CWH43: variants seen among roughly 807,000 people sequenced by gnomAD.
CWH43 encodes the protein PGAP2-interacting protein.
A neutral mutation model predicts 85.7 loss-of-function variants in CWH43; 91 were observed. That is an observed-to-expected ratio of 1.06 (90% confidence interval 0.90 to 1.26). CWH43 has a LOEUF of 1.26. CWH43 is among the 50% of genes most tolerant of loss of function. The probability of loss-of-function intolerance (pLI) is 0.00; values close to 1 mark genes in which losing one functional copy is unlikely to be tolerated. For synonymous variants in CWH43, 323 were observed against 293.6 expected (o/e 1.10, Z -1.02); for missense variants, 869 against 839.2 (o/e 1.04, Z -0.44).
chr4:49,019,588 T>A (rs879012500), intron 9 of CWH43, among the ~76,000 whole-genome samples: 4 of 151,982 alleles, frequency 2.6e-5, no homozygotes, highest in Non-Finnish European at 4.4e-5. Flanking sequence ...GTTTTTTTTT[T>A]AATGTTTTAG....
intron 2 of CWH43, among the ~76,000 whole-genome samples, 184 bp downstream of exon 2, chr4:48,988,852 C>T (rs1782570036): frequency 6.6e-6 from 1 of 152,180 alleles, no homozygotes; most frequent in Non-Finnish European, 1.5e-5. Context: ...ATGTGTTTTA[C>T]ATTTCCATTG....
chr4:49,040,262 G>C (rs1784415337), intron 13 of CWH43, among the ~76,000 whole-genome samples: 1 of 152,232 alleles, frequency 6.6e-6, no homozygotes. Flanking sequence ...TATATACCCA[G>C]TAATGGGGTG....
chr4:49,009,374 G>A (rs1017453140), intron 8 of CWH43, among the ~76,000 whole-genome samples: 1 of 152,048 alleles, frequency 6.6e-6, no homozygotes, highest in Non-Finnish European at 1.5e-5. Flanking sequence ...GGAGATTTTG[G>A]GCTGAAATGA....
At position 49,003,613 on chromosome 4, in the gene CWH43, T is replaced by C. The variant is rs1377619876; in HGVS notation, c.803-122T>C. 5.5e-6 allele frequency: 5 copies of C among 916,730 alleles called. No homozygotes were observed. In the South Asian group the frequency reaches 6.6e-5, roughly 12 times the overall value. The allele number at this position is 916,730 out of a possible 1,614,324, so 56.8% of individuals were successfully genotyped here. ...TTAACCTTGTCAGATCTTAGTTTTC[T>C]CATCTGTCTGGAGATTGGATCAGTA... On this transcript the variant is annotated intron_variant, in intron 6 of 15. Coordinates refer to ENST00000226432, the MANE Select transcript of CWH43 (RefSeq NM_025087.3).
Position 48,992,890 on chromosome 4 carries a change from G to A in CWH43, c.511+800G>A, listed in dbSNP as rs1441078992. 2.6e-5 allele frequency among the ~76,000 whole-genome samples: 4 copies of A among 152,298 alleles called. No homozygotes were observed. The highest frequency in any genetic ancestry group is 9.6e-5 in the African/African-American group (4 of 41,558). ...TAGTTTGGCATGAAATGAGAATAGA[G>A]GGAAATTATGTCAGTAAATTGGCCT... On this transcript the variant is annotated intron_variant, in intron 4 of 15. Transcript: ENST00000226432. The surrounding 1 kb of genome is among the most constrained non-coding windows in gnomAD (Gnocchi z 4.3).
At chr4:49,011,654 G>T (rs11942014) in intron 8 of CWH43, among the ~76,000 whole-genome samples, 1 of 152,146 alleles carries the variant, frequency 6.6e-6, no homozygotes, top group Non-Finnish European at 1.5e-5. Context: ...GCTTCCTTCA[G>T]GAGCTCTTTT....
chr4:49,005,222 A>C (rs1401542373), intron 7 of CWH43, among the ~76,000 whole-genome samples: 5 of 152,164 alleles, frequency 3.3e-5, no homozygotes, highest in African/African-American at 9.6e-5. Context: ...TATCTGTATA[A>C]ATTTGTGGGG....
rs924261219 is a variant in CWH43 at position 49,022,232 on chromosome 4, G to A, written c.1266+4904G>A. 2.0e-5 allele frequency among the ~76,000 whole-genome samples: 3 copies of A among 152,014 alleles called. No individual in the cohort carries two copies. The South Asian group carries it at 6.2e-4, about 32-fold the overall frequency. ...CCTTAAGGTGTGACCTTTCTATGCCGATTTTGCTGAGGGTTTTAATCATAA... is the reference window on the plus strand; with the variant it reads ...CCTTAAGGTGTGACCTTTCTATGCCAATTTTGCTGAGGGTTTTAATCATAA... On this transcript the variant is annotated intron_variant, in intron 9 of 15. Coordinates refer to ENST00000226432, the MANE Select transcript of CWH43 (RefSeq NM_025087.3).
chr4:49,035,717 T>C (rs1466033914), intron 12 of CWH43, among the ~76,000 whole-genome samples: 1 of 152,210 alleles, frequency 6.6e-6, no homozygotes, highest in African/African-American at 2.4e-5. Context: ...TACATATACT[T>C]TTTACTTTTA....
intron 9 of CWH43, among the ~76,000 whole-genome samples, chr4:49,027,633 G>T (rs773576330): frequency 2.0e-5 from 3 of 152,114 alleles, no homozygotes; most frequent in Non-Finnish European, 2.9e-5. Context: ...TGTGAAATAA[G>T]CATATTTTGG....
chr4:49,027,840 C>T (rs1456499739), intron 9 of CWH43, among the ~76,000 whole-genome samples: 1 of 152,090 alleles, frequency 6.6e-6, no homozygotes, highest in Non-Finnish European at 1.5e-5. Flanking sequence ...TTCCCCACTA[C>T]CCTAGTAGGT....
chr4:49,055,014 A>T (rs1784909740), intron 15 of CWH43, among the ~76,000 whole-genome samples: 1 of 151,846 alleles, frequency 6.6e-6, no homozygotes, highest in African/African-American at 2.4e-5. Context: ...TACTTGCTTA[A>T]TTGCTCTAGC....
chr4:49,044,801 G>T lies in CWH43; in HGVS notation c.1819G>T (p.Asp607Tyr), dbSNP rs1277832876. Residue 607 changes from aspartate to tyrosine, a missense_variant, in exon 14 of 16, where the codon GAT becomes TAT. Coordinates refer to ENST00000226432, the MANE Select transcript of CWH43 (RefSeq NM_025087.3). Reference sequence around the variant, plus strand: ...TCTTTATTAGGATATCGACAGCACTGATCATGACAGATGGTGTGAATACAT... The same window carrying T: ...TCTTTATTAGGATATCGACAGCACTTATCATGACAGATGGTGTGAATACAT... ...HGNVKDIDST[D>Y]HDRWCEYIMY... is the part of the protein sequence containing the mutation. 3.1e-6 allele frequency: 5 copies of T among 1,613,260 alleles called. No individual in the cohort carries two copies. Among genetic ancestry groups the T allele is most frequent in the Admixed American group, 3.3e-5 (2 of 59,964 alleles).
At position 48,987,210 on chromosome 4, in the gene CWH43, C is replaced by G. The variant is rs372714417; in HGVS notation, c.43+738C>G. On this transcript the variant is annotated intron_variant, in intron 1 of 15. Coordinates refer to ENST00000226432, the MANE Select transcript of CWH43 (RefSeq NM_025087.3). ...TGATTTTCTGGGAGCTGGTAATTCT[C>G]GGGAGTGCTTCAGACTATTTTTTTC... is the stretch of plus-strand genomic sequence containing the variant. Among the ~76,000 whole-genome samples the G allele has an allele frequency of 3.3e-5, 5 of 152,144 alleles. 1 individual carries two copies. In the South Asian group the frequency reaches 1.0e-3, roughly 32 times the overall value.
intron 11 of CWH43, among the ~76,000 whole-genome samples, chr4:49,031,680 T>A (rs1410504419): frequency 6.6e-6 from 1 of 152,034 alleles, no homozygotes; most frequent in Non-Finnish European, 1.5e-5. Flanking sequence ...GAGGCAGAGA[T>A]GATAGGTGGA....
intron 6 of CWH43, among the ~76,000 whole-genome samples, chr4:49,003,164 G>A (rs142067558): frequency 1.1e-4 from 16 of 152,312 alleles, no homozygotes; most frequent in African/African-American, 3.4e-4. Flanking sequence ...CACCTAGCAG[G>A]CTGTTGGGTA....
At chr4:49,025,603 A>G (rs1260392854) in intron 9 of CWH43, among the ~76,000 whole-genome samples, 2 of 152,098 alleles carry the variant, frequency 1.3e-5, no homozygotes, top group African/African-American at 4.8e-5. Context: ...TGAGAGCTGA[A>G]CTGCAGTGAT....
Position 49,009,412 on chromosome 4 carries a change from C to T in CWH43, c.1186+2086C>T, listed in dbSNP as rs376677400. 2.0e-4 allele frequency among the ~76,000 whole-genome samples: 30 copies of T among 152,294 alleles called. No individual in the cohort carries two copies. The South Asian group carries it at 3.7e-3, about 19-fold the overall frequency. ...GGGTTTTCTAAATATACAGTCATGT[C>T]ATCTGCAAACAGGGACAATTTGACT... On this transcript the variant is annotated intron_variant, in intron 8 of 15. Transcript: ENST00000226432.
chr4:48,986,541 C>G, intron 1 of CWH43, 69 bp downstream of exon 1: 2 of 1,544,158 alleles, frequency 1.3e-6, no homozygotes, highest in Non-Finnish European at 1.7e-6. Flanking sequence ...AGCCGTGGAG[C>G]CAGGCCAGGT....
Sources: allele counts gnomAD v4.1 joint callset (sites outside exome capture counted in the v4.1 genomes callset), GRCh38; gene constraint gnomAD v4.1.1; non-coding constraint Gnocchi (gnomAD v3.1); transcripts MANE v1.5; gene names NCBI Gene and HGNC (gene_info 2026-07-23, HGNC 2026-07-21).